Variants in BAIAP2L1 observed in about 807,000 individuals in gnomAD.
BAIAP2L1 encodes BAR/IMD domain containing adaptor protein 2 like 1, also known as BAR/IMD domain-containing adapter protein 2-like 1.
A neutral mutation model predicts 66.3 loss-of-function variants in BAIAP2L1; 35 were observed. That is an observed-to-expected ratio of 0.53 (90% CI 0.40 to 0.70). The LOEUF (loss-of-function observed/expected upper bound fraction) is 0.70. BAIAP2L1 is among the 30% of genes least tolerant of loss of function. BAIAP2L1 has a pLI of 0.00. For synonymous variants in BAIAP2L1, 269 were observed against 248.7 expected, an observed-to-expected ratio of 1.08 and a Z score of -0.77; for missense variants, 622 against 656.9, an observed-to-expected ratio of 0.95 and a Z score of 0.58.
chr7:98,374,066 C>T (rs1562789091), intron 1 of BAIAP2L1, among the ~76,000 whole-genome samples: 1 of 152,118 alleles, frequency 6.6e-6, no homozygotes, highest in Non-Finnish European at 1.5e-5. Flanking sequence ...ACTCCTCCCA[C>T]CTCAGCCTCC....
chr7:98,352,669 T>A (rs986190280), intron 3 of BAIAP2L1, among the ~76,000 whole-genome samples: 2 of 151,996 alleles, frequency 1.3e-5, no homozygotes, highest in Non-Finnish European at 2.9e-5. Flanking sequence ...AAATACCCCA[T>A]AGATATATAC....
chr7:98,397,119 T>C (rs1167082934), intron 1 of BAIAP2L1, among the ~76,000 whole-genome samples: 2 of 151,982 alleles, frequency 1.3e-5, no homozygotes, highest in African/African-American at 4.8e-5. Context: ...AAGGTAGTGT[T>C]ATGGGGGAAG....
intron 8 of BAIAP2L1, among the ~76,000 whole-genome samples, chr7:98,311,498 G>A (rs902944191): frequency 4.0e-5 from 6 of 151,336 alleles, no homozygotes; most frequent in African/African-American, 1.2e-4. Context: ...CCGAGATTGC[G>A]CCATTGCACT....
At chr7:98,390,842 A>C (rs1414107819) in intron 1 of BAIAP2L1, among the ~76,000 whole-genome samples, 1 of 151,980 alleles carries the variant, frequency 6.6e-6, no homozygotes, top group Non-Finnish European at 1.5e-5. Context: ...AATAAACACA[A>C]GTTTTTTTGT....
At chr7:98,350,638 G>A (rs563760308) in intron 3 of BAIAP2L1, among the ~76,000 whole-genome samples, 191 of 152,238 alleles carry the variant, frequency 1.3e-3, no homozygotes, top group African/African-American at 3.4e-3. Flanking sequence ...CAGCCTGGGC[G>A]ACAGAGCGAG....
chr7:98,377,525 T>C (rs1017645853), intron 1 of BAIAP2L1, among the ~76,000 whole-genome samples: 2 of 152,128 alleles, frequency 1.3e-5, no homozygotes, highest in African/African-American at 4.8e-5. Flanking sequence ...TTTTAAAAAG[T>C]ACCATACACT....
chr7:98,391,938 T>G (rs1246612812), intron 1 of BAIAP2L1, among the ~76,000 whole-genome samples: 1 of 151,986 alleles, frequency 6.6e-6, no homozygotes, highest in African/African-American at 2.4e-5. Context: ...AAATCGTAGG[T>G]GTTCTGGCCA....
At chr7:98,319,152 GCCACA>G (rs1212493555) in intron 5 of BAIAP2L1, among the ~76,000 whole-genome samples, 12 of 152,126 alleles carry the variant, frequency 7.9e-5, no homozygotes, top group Non-Finnish European at 1.8e-4. Context: ...CACACTCACT[GCCACA>G]TGGGGGTCTG....
chr7:98,386,056 G>C (rs887735313), intron 1 of BAIAP2L1: 3 of 1,475,362 alleles, frequency 2.0e-6, no homozygotes, highest in African/African-American at 1.4e-5. Context: ...CAAGTCATTT[G>C]TCTGCACCTC....
intron 1 of BAIAP2L1, among the ~76,000 whole-genome samples, chr7:98,393,052 C>CAT (rs144248203): frequency 0.45 from 50,909 of 112,064 alleles, 12,234 homozygotes; most frequent in Middle Eastern, 0.63. Context: ...TATACGTGTA[C>CAT]ATATATGTAC....
In BAIAP2L1 at chr7:98,367,692, C is replaced by T. The variant is rs549265632; in HGVS notation, c.52-5260G>A. On this transcript the variant is annotated intron_variant, in intron 1 of 13. Transcript: ENST00000005260. Reference sequence around the variant, plus strand: ...CTGGGACTACAGGCACCCACCACCACGCCCGGCTAATTTTTTGTATTTTTA... The same window carrying T: ...CTGGGACTACAGGCACCCACCACCATGCCCGGCTAATTTTTTGTATTTTTA... 1.2e-4 allele frequency among the ~76,000 whole-genome samples: 18 copies of T among 152,154 alleles called. No individual in the cohort carries two copies. In the South Asian group the frequency reaches 3.1e-3, roughly 26 times the overall value.
intron 12 of BAIAP2L1, among the ~76,000 whole-genome samples, chr7:98,294,755 A>G (rs1172350052): frequency 6.6e-6 from 1 of 152,100 alleles, no homozygotes; most frequent in Non-Finnish European, 1.5e-5. Context: ...ATAAAACCCC[A>G]CTGGCTTTGG....
At chr7:98,363,466 A>C (rs889738992) in intron 1 of BAIAP2L1, among the ~76,000 whole-genome samples, 3 of 152,198 alleles carry the variant, frequency 2.0e-5, no homozygotes, top group African/African-American at 7.2e-5. Context: ...TGGTGCAGCC[A>C]GTGTCCAGGT....
At position 98,357,490 on chromosome 7, in the gene BAIAP2L1, T is replaced by A. The variant is rs151286187; in HGVS notation, c.128-2362A>T. 5.7e-3 allele frequency among the ~76,000 whole-genome samples: 843 copies of A among 148,020 alleles called. 10 individuals carry two copies. The highest frequency in any genetic ancestry group is 0.02 in the African/African-American group (815 of 39,938). ...GCTGAGGCAGGAGAATCGCTTGAAC[T>A]CGGGAGGCAGAGGTTACAGTGAGCT... is the stretch of plus-strand genomic sequence containing the variant. On this transcript the variant is annotated intron_variant, in intron 2 of 13. Transcript: ENST00000005260.
intron 9 of BAIAP2L1, chr7:98,310,050 C>A (rs903951598): frequency 1.2e-5 from 2 of 165,374 alleles, no homozygotes; most frequent in Non-Finnish European, 1.3e-5. Context: ...GGGGTTTCAT[C>A]ATGTTGGCCA....
At chr7:98,363,235 A>G (rs1802315277) in intron 1 of BAIAP2L1, among the ~76,000 whole-genome samples, 1 of 151,650 alleles carries the variant, frequency 6.6e-6, no homozygotes, top group Admixed American at 6.6e-5. Flanking sequence ...GGGTTTCACC[A>G]TGTTGGCCAG....
rs764281034 is a variant in BAIAP2L1, at chr7:98,304,408, GATA to G, written c.1242-35_1242-33del. On this transcript the variant is annotated intron_variant, in intron 11 of 13. Coordinates refer to ENST00000005260, the MANE Select transcript of BAIAP2L1 (RefSeq NM_018842.5). ...CCCAAAAAGGACACAGCACGTGTTA[GATA>G]ATGTCTCACCACCAAACCCCAAACA... 3.7e-6 allele frequency: 6 copies of G among 1,609,396 alleles called. No homozygotes were observed. The East Asian group carries it at 6.7e-5, about 18-fold the overall frequency.
intron 12 of BAIAP2L1, among the ~76,000 whole-genome samples, chr7:98,302,651 T>A (rs1246401177): frequency 6.6e-6 from 1 of 152,182 alleles, no homozygotes; most frequent in Non-Finnish European, 1.5e-5. Context: ...GACAAATGAC[T>A]GGTTCTTCTA....
At chr7:98,350,070 T>C (rs1346483197) in intron 3 of BAIAP2L1, among the ~76,000 whole-genome samples, 1 of 150,882 alleles carries the variant, frequency 6.6e-6, no homozygotes, top group African/African-American at 2.4e-5. Context: ...TGAGCCATGA[T>C]GGCACAGCCC....
Sources: allele counts gnomAD v4.1 joint callset (sites outside exome capture counted in the v4.1 genomes callset), GRCh38; gene constraint gnomAD v4.1.1; transcripts MANE v1.5; gene names NCBI Gene and HGNC (gene_info 2026-07-23, HGNC 2026-07-21).